FAM184A: variants seen among roughly 807,000 people sequenced by gnomAD.
The protein encoded by FAM184A is family with sequence similarity 184 member A, also known as protein FAM184A.
Under a neutral mutation model 143.8 loss-of-function variants are expected in FAM184A, and 99 were observed. The observed-to-expected ratio is 0.69, with a 90% CI of 0.58 to 0.81. FAM184A has a LOEUF of 0.81. Among genes scored for constraint, FAM184A ranks in the 40% least tolerant of loss-of-function variants. The pLI is 0.00. For synonymous variants in FAM184A, 427 were observed against 446.4 expected (o/e 0.96, Z 0.55); for missense variants, 1,217 against 1,310.5 (o/e 0.93, Z 1.10).
Position 118,974,477 on chromosome 6 carries a change from T to C in FAM184A, c.2866A>G (p.Asn956Asp). The change falls in exon 14 of 18, where the codon AAT (asparagine) becomes GAT (aspartate). Residue 956 changes from asparagine to aspartate, a missense_variant. Coordinates refer to ENST00000338891, the MANE Select transcript of FAM184A (RefSeq NM_024581.6). ...TCCTTGAGTAGCTCGTTAGTCTTAT[T>C]AAAATCTGCCCGCATGATATTTTTC... is the stretch of plus-strand genomic sequence containing the variant. Reference protein sequence around the residue: ...REKNIMRADFNKTNELLKEIN... With the variant: ...REKNIMRADFDKTNELLKEIN... 6.2e-7 allele frequency: 1 copy of C among 1,612,900 alleles called. No individual in the cohort carries two copies. The highest frequency in any genetic ancestry group is 8.5e-7 in the Non-Finnish European group (1 of 1,179,290).
At chr6:119,143,020 G>C (rs191996776) in intron 1 of FAM184A, among the ~76,000 whole-genome samples, 1 of 152,308 alleles carries the variant, frequency 6.6e-6, no homozygotes, top group East Asian at 1.9e-4. Flanking sequence ...GAAACTAGGA[G>C]GGAGGTATGG....
intron 1 of FAM184A, among the ~76,000 whole-genome samples, chr6:119,095,591 C>A (rs1788484671): frequency 6.6e-6 from 1 of 152,020 alleles, no homozygotes; most frequent in African/African-American, 2.4e-5. Context: ...GAGGTAGGTA[C>A]TCTGTTGCCC....
intron 1 of FAM184A, among the ~76,000 whole-genome samples, chr6:119,103,640 AG>A (rs1788699865): frequency 8.6e-6 from 1 of 115,944 alleles, no homozygotes. Flanking sequence ...AAAAAGAGAG[AG>A]AGGAGGCCAG....
intron 14 of FAM184A, among the ~76,000 whole-genome samples, chr6:118,969,118 C>A (rs896740448): frequency 6.6e-6 from 1 of 152,098 alleles, no homozygotes; most frequent in African/African-American, 2.4e-5. Flanking sequence ...AAATCATTTC[C>A]CCCCTTGCTT....
At chr6:119,097,793 C>T (rs1321658529) in intron 1 of FAM184A, among the ~76,000 whole-genome samples, 2 of 152,126 alleles carry the variant, frequency 1.3e-5, no homozygotes, top group African/African-American at 4.8e-5. Context: ...ACCTGCCTTC[C>T]TTTCACCTGC....
At chr6:119,136,944 T>C (rs902902513) in intron 1 of FAM184A, among the ~76,000 whole-genome samples, 19 of 152,312 alleles carry the variant, frequency 1.2e-4, no homozygotes, top group African/African-American at 4.6e-4. Context: ...ACATTGATGC[T>C]GGACTGGCAA....
intron 12 of FAM184A, 117 bp from the exon 13 acceptor site, chr6:118,975,325 C>A (rs1048801851): frequency 1.3e-6 from 1 of 743,146 alleles, no homozygotes; most frequent in Non-Finnish European, 2.1e-6. Context: ...GACATTGCTT[C>A]TTCAAAAGCA....
intron 14 of FAM184A, among the ~76,000 whole-genome samples, chr6:118,967,414 C>T (rs771923948): frequency 6.6e-6 from 1 of 152,030 alleles, no homozygotes; most frequent in Non-Finnish European, 1.5e-5. Context: ...CAGATGAAAG[C>T]AAAACAAAGG....
At chr6:119,052,210 C>T (rs530110960) in intron 1 of FAM184A, among the ~76,000 whole-genome samples, 1 of 152,274 alleles carries the variant, frequency 6.6e-6, no homozygotes, top group East Asian at 1.9e-4. Flanking sequence ...GATATAGACA[C>T]CTACATTCTA....
At chr6:119,116,846 A>C (rs1208544963) in intron 1 of FAM184A, among the ~76,000 whole-genome samples, 1 of 152,218 alleles carries the variant, frequency 6.6e-6, no homozygotes, top group African/African-American at 2.4e-5. Context: ...TCTGAAAACA[A>C]TCCACAGTCC....
chr6:118,988,468 G>A (rs1784259359), intron 9 of FAM184A, among the ~76,000 whole-genome samples: 1 of 152,150 alleles, frequency 6.6e-6, no homozygotes, highest in Non-Finnish European at 1.5e-5. Context: ...CTCCCAGAAA[G>A]CTACAAGATA....
chr6:119,017,368 G>A (rs544282831), intron 4 of FAM184A, among the ~76,000 whole-genome samples: 14 of 152,068 alleles, frequency 9.2e-5, no homozygotes, highest in Non-Finnish European at 2.1e-4. Flanking sequence ...CGCGGTGGCG[G>A]GTGCCTGTAG....
At chr6:119,113,485 A>G (rs1788983305) in intron 1 of FAM184A, among the ~76,000 whole-genome samples, 1 of 151,868 alleles carries the variant, frequency 6.6e-6, no homozygotes, top group Admixed American at 6.6e-5. Context: ...ACCCCTAATC[A>G]TGCTTCTTTG....
upstream of FAM184A, among the ~76,000 whole-genome samples, chr6:119,082,646 T>A (rs139034186): frequency 0.011 from 1,718 of 152,354 alleles, 20 homozygotes; most frequent in South Asian, 0.045. Context: ...CTCTTTTGAC[T>A]CCATGTCTCA....
At chr6:119,043,486 G>A (rs1786418702) in intron 1 of FAM184A, among the ~76,000 whole-genome samples, 1 of 152,142 alleles carries the variant, frequency 6.6e-6, no homozygotes, top group African/African-American at 2.4e-5. Context: ...TGTTTACTGG[G>A]TAGGAGACAG....
In FAM184A at chr6:119,034,570, T is replaced by TG. The variant is rs879436737; in HGVS notation, c.160-9758_160-9757insC. ...CTTTGTCTGTTTTAATATATAGTTT[T>TG]TTTTTTTTTTAAAAAAACCTTTGCT... On this transcript the variant is annotated intron_variant, in intron 1 of 17. Transcript: ENST00000338891. 5.1e-3 allele frequency among the ~76,000 whole-genome samples: 431 copies of TG among 84,886 alleles called. 4 individuals carry two copies. Among genetic ancestry groups the TG allele is most frequent in the African/African-American group, 0.015 (394 of 26,476 alleles). The allele number at this position is 84,886 out of a possible 152,430, so 55.7% of individuals were successfully genotyped here.
intron 9 of FAM184A, among the ~76,000 whole-genome samples, chr6:118,985,299 T>A (rs776019192): frequency 6.6e-6 from 1 of 152,188 alleles, no homozygotes; most frequent in Non-Finnish European, 1.5e-5. Context: ...GGGACAGACA[T>A]CCTGTAAGTA....
At chr6:119,045,807 T>G (rs1304517022) in intron 1 of FAM184A, among the ~76,000 whole-genome samples, 1 of 145,588 alleles carries the variant, frequency 6.9e-6, no homozygotes, top group African/African-American at 2.8e-5. Flanking sequence ...TAAAAAAAAT[T>G]TATATTGCAA....
intron 1 of FAM184A, among the ~76,000 whole-genome samples, chr6:119,041,418 G>A (rs908569517): frequency 1.8e-4 from 27 of 152,130 alleles, no homozygotes; most frequent in Non-Finnish European, 3.5e-4. Context: ...AGTAAAGAGC[G>A]CTCACTAAAA....
Sources: allele counts gnomAD v4.1 joint callset (sites outside exome capture counted in the v4.1 genomes callset), GRCh38; gene constraint gnomAD v4.1.1; transcripts MANE v1.5; gene names NCBI Gene and HGNC (gene_info 2026-07-23, HGNC 2026-07-21).